Variants in CASK observed in about 807,000 individuals in gnomAD.
The protein encoded by CASK is peripheral plasma membrane protein CASK.
A neutral mutation model predicts 82.9 loss-of-function variants in CASK; 4 were observed. That is an observed-to-expected ratio of 0.05 (90% confidence interval 0.02 to 0.11). CASK has a LOEUF of 0.11. Among genes scored for constraint, CASK ranks in the 10% least tolerant of loss-of-function variants. The probability of loss-of-function intolerance (pLI) is 1.00; values close to 1 mark genes in which losing one functional copy is unlikely to be tolerated. For missense variants in CASK, 358 were observed against 720.9 expected (o/e 0.50, Z 5.76); for synonymous variants, 259 against 253.5 (o/e 1.02, Z -0.20).
At chrX:41,753,258 T>A (rs1300852783) in intron 3 of CASK, among the ~76,000 whole-genome samples, 1 of 111,024 alleles carries the variant, frequency 9.0e-6, no homozygotes, top group Non-Finnish European at 1.9e-5. Context: ...CCTTTACTTT[T>A]AAAAAAATGA....
intron 1 of CASK, among the ~76,000 whole-genome samples, chrX:41,891,324 G>C (rs745702982): frequency 1.9e-5 from 2 of 106,783 alleles, no homozygotes; most frequent in South Asian, 8.7e-4. Flanking sequence ...AAGACTGGGT[G>C]GGGGGGCGGG....
At chrX:41,888,191 A>C (rs1004795116) in intron 1 of CASK, among the ~76,000 whole-genome samples, 1 of 111,404 alleles carries the variant, frequency 9.0e-6, no homozygotes, top group Non-Finnish European at 1.9e-5. Flanking sequence ...AGAATCCCCA[A>C]TATCCTACAA....
chrX:41,668,024 A>G (rs912497809), intron 6 of CASK, among the ~76,000 whole-genome samples: 2 of 110,928 alleles, frequency 1.8e-5, no homozygotes, highest in African/African-American at 6.6e-5. Context: ...GCGTTCTCCT[A>G]ATTTGTTGCT....
At chrX:41,799,578 G>A (rs1175517689) in intron 2 of CASK, among the ~76,000 whole-genome samples, 2 of 108,305 alleles carry the variant, frequency 1.8e-5, no homozygotes, top group African/African-American at 6.7e-5. Context: ...CAATGACTAG[G>A]TGGGACTTCT....
intron 11 of CASK, among the ~76,000 whole-genome samples, chrX:41,619,517 A>G (rs1458528504): frequency 8.9e-6 from 1 of 111,745 alleles, no homozygotes; most frequent in Admixed American, 9.6e-5. Flanking sequence ...TTCTGCTACT[A>G]TTATGAAATA....
chrX:41,581,274 G>A (rs763938274), intron 14 of CASK, among the ~76,000 whole-genome samples: 1 of 110,548 alleles, frequency 9.0e-6, no homozygotes, highest in East Asian at 2.8e-4. Flanking sequence ...CCAGCTACTT[G>A]GGAGGCTGAG....
At chrX:41,785,116 C>A (rs2069563876) in intron 3 of CASK, among the ~76,000 whole-genome samples, 1 of 105,042 alleles carries the variant, frequency 9.5e-6, no homozygotes, top group Non-Finnish European at 1.9e-5. Context: ...AGGTGATTCT[C>A]CAACCTCAGC....
In CASK at chrX:41,760,571, C is replaced by G. The variant is rs144428425; in HGVS notation, c.279-14970G>C. On this transcript the variant is annotated intron_variant, in intron 3 of 26. Coordinates refer to ENST00000378163, the MANE Select transcript of CASK (RefSeq NM_001367721.1). The stretch of plus-strand genomic sequence containing the variant: ...TCCTCACAAGTTCTTTCCCAACTGA[C>G]CAGGAGACAGACAGGGTTTCATGGG... 1.6e-3 allele frequency among the ~76,000 whole-genome samples: 176 copies of G among 110,853 alleles called. 1 individual carries two copies. Among genetic ancestry groups the G allele is most frequent in the African/African-American group, 5.5e-3 (168 of 30,467 alleles).
chrX:41,671,972 T>C (rs952487333), intron 5 of CASK, among the ~76,000 whole-genome samples: 2 of 112,079 alleles, frequency 1.8e-5, no homozygotes, highest in South Asian at 7.5e-4. Flanking sequence ...TGTTAGGGGA[T>C]AGCCATGGCC....
chrX:41,551,675 T>C (rs955135857), intron 21 of CASK, among the ~76,000 whole-genome samples: 2 of 108,839 alleles, frequency 1.8e-5, no homozygotes, highest in African/African-American at 6.7e-5. Context: ...AGTGGGTGGA[T>C]CACGAGGTCA....
At chrX:41,702,424 A>G (rs936622662) in intron 5 of CASK, among the ~76,000 whole-genome samples, 1 of 109,766 alleles carries the variant, frequency 9.1e-6, no homozygotes, top group Non-Finnish European at 1.9e-5. Flanking sequence ...ATAAAATAAA[A>G]AAACATAAAT....
intron 5 of CASK, among the ~76,000 whole-genome samples, chrX:41,693,025 T>C (rs1011593919): frequency 9.0e-6 from 1 of 111,696 alleles, no homozygotes; most frequent in East Asian, 2.8e-4. Flanking sequence ...CCGAACAAAA[T>C]TGACTTGGTT....
intron 11 of CASK, among the ~76,000 whole-genome samples, chrX:41,611,564 G>C (rs1471071887): frequency 9.1e-6 from 1 of 109,445 alleles, no homozygotes; most frequent in Non-Finnish European, 1.9e-5. Context: ...CAAAGACACA[G>C]AGAAATCTTC....
chrX:41,804,074 G>A (rs191391033), intron 2 of CASK, among the ~76,000 whole-genome samples: 8 of 111,679 alleles, frequency 7.2e-5, no homozygotes, highest in East Asian at 5.6e-4. Context: ...TTGGCCAGGC[G>A]CGGTGACTCA....
chrX:41,853,927 C>A (rs940556557), intron 1 of CASK, among the ~76,000 whole-genome samples: 3 of 111,413 alleles, frequency 2.7e-5, no homozygotes, highest in Non-Finnish European at 5.7e-5. Flanking sequence ...AGAAAAAAAA[C>A]ACACTCCAAT....
Position 41,789,383 on chromosome X carries a change from A to C in CASK, c.173-2100T>G, listed in dbSNP as rs180799732. ...GGGCAGTGTTAAGATTCTAATGAGA[A>C]GCTGGATGTTTGGAGCCCAGCATGG... On this transcript the variant is annotated intron_variant, in intron 2 of 26. Coordinates refer to ENST00000378163, the MANE Select transcript of CASK (RefSeq NM_001367721.1). Among the ~76,000 whole-genome samples, 23 of 111,918 alleles carry C rather than the reference A, an allele frequency of 2.1e-4. No individual in the cohort carries two copies. The Admixed American group carries it at 2.2e-3, about 11-fold the overall frequency.
At position 41,517,720 on chromosome X, in the gene CASK, G is replaced by A. The variant is rs2064575153; in HGVS notation, c.*2700C>T. ...CTGATGGAATGGAAGCAGTAAAGAAGCTTTTAGCAATTTTCTCTGATTGCT... is the reference window on the plus strand; with the variant it reads ...CTGATGGAATGGAAGCAGTAAAGAAACTTTTAGCAATTTTCTCTGATTGCT... On this transcript the variant is annotated 3_prime_UTR_variant, in exon 27 of 27. Coordinates refer to ENST00000378163, the MANE Select transcript of CASK (RefSeq NM_001367721.1). 1.7e-6 allele frequency: 1 copy of A among 586,005 alleles called. No individual in the cohort carries two copies. Among genetic ancestry groups the A allele is most frequent in the Non-Finnish European group, 2.8e-6 (1 of 359,845 alleles). The allele number at this position is 586,005 out of a possible 1,213,427, so 48.3% of individuals were successfully genotyped here.
At chrX:41,645,149 C>T (rs1410857666) in intron 8 of CASK, among the ~76,000 whole-genome samples, 2 of 111,086 alleles carry the variant, frequency 1.8e-5, no homozygotes, top group African/African-American at 6.5e-5. Context: ...CATCACAGAT[C>T]CTACTACTAG....
Position 41,852,947 on chromosome X carries a change from T to C in CASK, c.172+168A>G. 5 of 457,161 alleles carry C rather than the reference T, an allele frequency of 1.1e-5. No individual in the cohort carries two copies. In the South Asian group the frequency reaches 1.7e-4, roughly 16 times the overall value. 37.7% of individuals were successfully genotyped at this position (457,161 alleles called of 1,213,427 possible). ...ATTACCCTGTCTTTCAAATACTATGTCCTAGAATTCTGACAAACTAGAATA... is the reference window on the plus strand; with the variant it reads ...ATTACCCTGTCTTTCAAATACTATGCCCTAGAATTCTGACAAACTAGAATA... On this transcript the variant is annotated intron_variant, in intron 2 of 26. Coordinates refer to ENST00000378163, the MANE Select transcript of CASK (RefSeq NM_001367721.1).
Sources: allele counts gnomAD v4.1 joint callset (sites outside exome capture counted in the v4.1 genomes callset), GRCh38; gene constraint gnomAD v4.1.1; transcripts MANE v1.5; gene names NCBI Gene and HGNC (gene_info 2026-07-23, HGNC 2026-07-21).